CNNM2: variants seen among roughly 807,000 people sequenced by gnomAD.
The protein encoded by CNNM2 is cyclin and CBS domain divalent metal cation transport mediator 2.
A neutral mutation model predicts 66.9 loss-of-function variants in CNNM2; 12 were observed. That is an observed-to-expected ratio of 0.18 (90% CI 0.11 to 0.29). The LOEUF (loss-of-function observed/expected upper bound fraction) is 0.29. Ranked by LOEUF, CNNM2 falls within the 10% of genes least tolerant of loss-of-function variation. The pLI, the probability that CNNM2 is intolerant of heterozygous loss-of-function variation, is 1.00. For missense variants in CNNM2, 705 were observed against 1,167.7 expected (o/e 0.60, Z 5.77); for synonymous variants, 557 against 501.8 (o/e 1.11, Z -1.47).
chr10:102,959,122 A>C (rs780535587), intron 1 of CNNM2, among the ~76,000 whole-genome samples: 7 of 151,662 alleles, frequency 4.6e-5, no homozygotes, highest in Non-Finnish European at 1.0e-4. Flanking sequence ...TTTTGTAGAG[A>C]TGAGGTTTTA....
At chr10:103,039,876 G>C (rs1384275775) in intron 1 of CNNM2, among the ~76,000 whole-genome samples, 1 of 152,120 alleles carries the variant, frequency 6.6e-6, no homozygotes, top group Non-Finnish European at 1.5e-5. Context: ...GTATAAGAAA[G>C]AGATGTGGCC....
chr10:102,959,535 A>G (rs1477995081), intron 1 of CNNM2, among the ~76,000 whole-genome samples: 1 of 152,186 alleles, frequency 6.6e-6, no homozygotes, highest in Non-Finnish European at 1.5e-5. Flanking sequence ...TAACACCAGG[A>G]AAGTTACTTT....
chr10:103,054,477 C>T lies in CNNM2; in HGVS notation c.1903+11C>T. 1 of 1,612,938 alleles carries T rather than the reference C, an allele frequency of 6.2e-7. No homozygotes were observed. The highest frequency in any genetic ancestry group is 8.5e-7 in the Non-Finnish European group (1 of 1,179,268). On this transcript the variant is annotated intron_variant, in intron 3 of 7. Transcript: ENST00000369878. The surrounding 1 kb of genome is among the most constrained non-coding windows in gnomAD (Gnocchi z 5.2). The stretch of plus-strand genomic sequence containing the variant: ...GTTTCCTAGCAACAGGCAAGTGCAG[C>T]TTATCACAGTTTGAGATCTCTACCA...
At chr10:102,958,475 T>G (rs1440584967) in intron 1 of CNNM2, among the ~76,000 whole-genome samples, 7 of 124,484 alleles carry the variant, frequency 5.6e-5, no homozygotes, top group East Asian at 2.2e-4. Flanking sequence ...TTTTTTTTTT[T>G]TTTTTTTTTT....
chr10:102,919,863 C>G lies in CNNM2; in HGVS notation c.1383C>G (p.Gly461=). The change falls in exon 1 of 8, where the codon GGC becomes GGG. Residue 461 remains glycine (G), a synonymous_variant. Transcript: ENST00000369878. ...TPLRDCFMIT[G]EAILDFNTMS... is the part of the protein sequence containing the mutation. ...TCCGGGACTGCTTCATGATCACCGG[C>G]GAAGCCATCCTGGACTTCAACACCA... The G allele has an allele frequency of 6.2e-7, 1 of 1,614,078 alleles. No individual in the cohort carries two copies. Among genetic ancestry groups the G allele is most frequent in the Admixed American group, 1.7e-5 (1 of 60,006 alleles).
Position 103,089,252 on chromosome 10 carries a change from C to G in CNNM2, c.*12072C>G. The G allele has an allele frequency of 4.5e-6, 1 of 223,032 alleles. No individual in the cohort carries two copies. Among genetic ancestry groups the G allele is most frequent in the Non-Finnish European group, 8.9e-6 (1 of 111,924 alleles). The allele number at this position is 223,032 out of a possible 1,614,324, so 13.8% of individuals were successfully genotyped here. A position where few individuals can be genotyped will look rare whatever the true frequency, so the allele number is the denominator to read the frequency against. On this transcript the variant is annotated 3_prime_UTR_variant, in exon 8 of 8. Transcript: ENST00000369878. ...CTGATATACAATACCATGTAATGCA[C>G]TGGAAAAGTTGGACCTTGGAGTAAT...
chr10:102,972,717 C>T (rs1403633279), intron 1 of CNNM2, among the ~76,000 whole-genome samples: 2 of 152,144 alleles, frequency 1.3e-5, no homozygotes, highest in African/African-American at 4.8e-5. Context: ...TGCCTCTTTC[C>T]AGTTGAGTTG....
intron 1 of CNNM2, among the ~76,000 whole-genome samples, chr10:103,004,440 A>T (rs567542861): frequency 2.6e-5 from 4 of 152,302 alleles, no homozygotes; most frequent in African/African-American, 9.6e-5. Context: ...TGCATTTCTG[A>T]TAAGTGTGTG....
Position 102,918,336 on chromosome 10 carries a change from G to A in CNNM2, c.-145G>A, listed in dbSNP as rs577139502. Reference sequence around the variant, plus strand: ...CCGCGAGCCTCGGGGTTCCTCAGCTGGCTGAGGTGGAGTCAGTGTCAGTCA... The same window carrying A: ...CCGCGAGCCTCGGGGTTCCTCAGCTAGCTGAGGTGGAGTCAGTGTCAGTCA... On this transcript the variant is annotated 5_prime_UTR_variant, in exon 1 of 8. Coordinates refer to ENST00000369878, the MANE Select transcript of CNNM2 (RefSeq NM_017649.5). This position sits in a 1 kb window ranked among gnomAD's most constrained non-coding sequence, Gnocchi z 4.1. The A allele has an allele frequency of 1.8e-4, 246 of 1,357,804 alleles. 3 individuals carry two copies. The South Asian group carries it at 3.4e-3, about 19-fold the overall frequency. The allele number at this position is 1,357,804 out of a possible 1,614,324, so 84.1% of individuals were successfully genotyped here. A position where few individuals can be genotyped will look rare whatever the true frequency, so the allele number is the denominator to read the frequency against.
At chr10:103,000,558 A>G (rs1048338492) in intron 1 of CNNM2, among the ~76,000 whole-genome samples, 3 of 151,952 alleles carry the variant, frequency 2.0e-5, no homozygotes, top group African/African-American at 4.8e-5. Context: ...GGTTCAAGCA[A>G]TTCTTGTGCC....
intron 1 of CNNM2, among the ~76,000 whole-genome samples, chr10:102,935,134 G>A (rs1846189655): frequency 6.9e-6 from 1 of 144,892 alleles, no homozygotes; most frequent in African/African-American, 2.6e-5. Context: ...ATTCCAGCCT[G>A]GGCGACAGAG....
intron 1 of CNNM2, among the ~76,000 whole-genome samples, chr10:102,994,443 G>A (rs912140150): frequency 6.6e-6 from 1 of 152,034 alleles, no homozygotes; most frequent in Non-Finnish European, 1.5e-5. Flanking sequence ...ACTATTTTTG[G>A]GTTCTTGGGG....
intron 1 of CNNM2, among the ~76,000 whole-genome samples, chr10:103,049,062 T>C (rs1028132614): frequency 1.3e-5 from 2 of 152,178 alleles, no homozygotes; most frequent in African/African-American, 4.8e-5. Context: ...CCTAGGCTGA[T>C]TGTGAACCCC....
At chr10:102,966,837 T>C (rs986182436) in intron 1 of CNNM2, among the ~76,000 whole-genome samples, 9 of 152,028 alleles carry the variant, frequency 5.9e-5, no homozygotes, top group African/African-American at 1.7e-4. Flanking sequence ...TCAGGGAAGA[T>C]TGAAAATATG....
intron 1 of CNNM2, among the ~76,000 whole-genome samples, chr10:103,048,621 A>G (rs1370408993): frequency 1.4e-5 from 2 of 142,298 alleles, no homozygotes; most frequent in South Asian, 2.1e-4. Flanking sequence ...ATGCCTGACA[A>G]ATACCCAAGT....
At chr10:103,052,786 T>A (rs2065237837) in intron 2 of CNNM2, among the ~76,000 whole-genome samples, 1 of 152,216 alleles carries the variant, frequency 6.6e-6, no homozygotes, top group Non-Finnish European at 1.5e-5. Context: ...AGTGCTGGGA[T>A]TATAGGCGTC....
chr10:102,999,292 C>T (rs1031049790), intron 1 of CNNM2, among the ~76,000 whole-genome samples: 6 of 149,484 alleles, frequency 4.0e-5, no homozygotes, highest in Non-Finnish European at 8.9e-5. Context: ...CCAGGTTAGC[C>T]AGGATGGTCT....
At position 102,983,003 on chromosome 10, in the gene CNNM2, T is replaced by C. The variant is rs527534735; in HGVS notation, c.1621+62902T>C. On this transcript the variant is annotated intron_variant, in intron 1 of 7. Coordinates refer to ENST00000369878, the MANE Select transcript of CNNM2 (RefSeq NM_017649.5). Reference sequence around the variant, plus strand: ...ACATGAGTTTACTTCATCCACTCTATGGTGTTTAGTTCTACTTAATAATTC... The same window carrying C: ...ACATGAGTTTACTTCATCCACTCTACGGTGTTTAGTTCTACTTAATAATTC... Among the ~76,000 whole-genome samples, 111 of 152,306 alleles carry C rather than the reference T, an allele frequency of 7.3e-4. 1 individual carries two copies. The highest frequency in any genetic ancestry group is 2.6e-3 in the African/African-American group (108 of 41,578).
At chr10:103,057,042 C>T (rs1056785047) in intron 4 of CNNM2, 78 bp downstream of exon 4, 3 of 1,433,050 alleles carry the variant, frequency 2.1e-6, no homozygotes, top group Admixed American at 2.0e-5. Context: ...ATGGGTGTCA[C>T]CGTGTACATA....
Sources: gnomAD v4.1 joint callset for allele counts (sites outside exome capture counted in the v4.1 genomes callset) on GRCh38, gnomAD v4.1.1 for gene constraint, Gnocchi (gnomAD v3.1) non-coding constraint, MANE v1.5 for transcripts, NCBI Gene and HGNC (gene_info 2026-07-23, HGNC 2026-07-21) for gene names.